The following SNX1 variants were observed in gnomAD, a reference collection of about 807,000 sequenced individuals.
SNX1 encodes sorting nexin 1, also known as sorting nexin-1.
Under a neutral mutation model 71.8 loss-of-function variants are expected in SNX1, and 36 were observed. That is an observed-to-expected ratio of 0.50 (90% CI 0.38 to 0.66). SNX1 has a LOEUF of 0.66. Among genes scored for constraint, SNX1 ranks in the 30% least tolerant of loss-of-function variants. SNX1 has a pLI of 0.00. For missense variants in SNX1, 612 were observed against 646.7 expected (o/e 0.95, Z 0.58); for synonymous variants, 254 against 240.7 (o/e 1.06, Z -0.51).
intron 2 of SNX1, among the ~76,000 whole-genome samples, chr15:64,113,480 T>C (rs2081098170): frequency 6.6e-6 from 1 of 152,086 alleles, no homozygotes; most frequent in Non-Finnish European, 1.5e-5. Flanking sequence ...CAAGGAATTG[T>C]TTAGCCTAAA....
rs1253247721 is a variant in SNX1, at chr15:64,142,011, G to C, written c.*4393G>C. On this transcript the variant is annotated 3_prime_UTR_variant, in exon 15 of 15. Transcript: ENST00000559844. ...TTTGGGGCAGATGGGAGGGGAAGCA[G>C]TGGTGGGGGCAGTGAGTGCTGAAGG... 1 of 152,680 alleles carries C rather than the reference G, an allele frequency of 6.5e-6. No homozygotes were observed. Among genetic ancestry groups the C allele is most frequent in the Non-Finnish European group, 1.5e-5 (1 of 68,428 alleles). The allele number at this position is 152,680 out of a possible 1,614,324, so 9.5% of individuals were successfully genotyped here. A position where few individuals can be genotyped will look rare whatever the true frequency, so the allele number is the denominator to read the frequency against.
chr15:64,112,532 T>C (rs2081086806), intron 1 of SNX1, 41 bp from the exon 2 acceptor site: 2 of 1,436,250 alleles, frequency 1.4e-6, no homozygotes, highest in Non-Finnish European at 1.9e-6. Flanking sequence ...GGGTTTGTTT[T>C]TCATGGTAAT....
At chr15:64,107,827 G>A (rs1203192782) in intron 1 of SNX1, among the ~76,000 whole-genome samples, 1 of 151,880 alleles carries the variant, frequency 6.6e-6, no homozygotes, top group Admixed American at 6.6e-5. Flanking sequence ...ATAGTTTCTT[G>A]CCTAGAAATT....
At chr15:64,116,019 A>G (rs1162871437) in intron 2 of SNX1, among the ~76,000 whole-genome samples, 1 of 152,204 alleles carries the variant, frequency 6.6e-6, no homozygotes, top group African/African-American at 2.4e-5. Flanking sequence ...GCAGTCAAAA[A>G]TTTGTTTATA....
In SNX1 at chr15:64,143,820, C is replaced by G. The variant is rs2081437908; in HGVS notation, c.*6202C>G. ...GGATCCTCATAGGCACTTCTAGAAA[C>G]CAAATCCTTGAAGATGACTAACCAG... is the stretch of plus-strand genomic sequence containing the variant. On this transcript the variant is annotated 3_prime_UTR_variant, in exon 15 of 15. Transcript: ENST00000559844. 1 of 152,172 alleles carries G rather than the reference C, an allele frequency of 6.6e-6. No individual in the cohort carries two copies. The highest frequency in any genetic ancestry group is 2.4e-5 in the African/African-American group (1 of 41,444). The allele number at this position is 152,172 out of a possible 1,614,324, so 9.4% of individuals were successfully genotyped here.
chr15:64,123,509 G>A lies in SNX1; in HGVS notation c.473G>A (p.Gly158Asp). The change falls in exon 5 of 15, where the codon GGT becomes GAT. Residue 158 changes from glycine to aspartate, a missense_variant. Transcript: ENST00000559844. ...CTTTCTTGTTCTCTCACAGGGGATG[G>A]TATGAATGCATATGTAGCCTACAAA... ...GITDPEKIGD[G>D]MNAYVAYKVT... is the part of the protein sequence containing the mutation. The A allele has an allele frequency of 6.2e-7, 1 of 1,613,744 alleles. No homozygotes were observed. The highest frequency in any genetic ancestry group is 1.1e-5 in the South Asian group (1 of 91,016).
intron 1 of SNX1, among the ~76,000 whole-genome samples, chr15:64,098,756 T>A (rs1239128233): frequency 6.6e-6 from 1 of 152,118 alleles, no homozygotes; most frequent in Non-Finnish European, 1.5e-5. Flanking sequence ...TGATTCATCT[T>A]ACCATACTTT....
intron 9 of SNX1, 89 bp from the exon 10 acceptor site, chr15:64,130,139 A>C: frequency 6.8e-7 from 1 of 1,470,592 alleles, no homozygotes; most frequent in Non-Finnish European, 9.5e-7. Flanking sequence ...AAGATTTTTC[A>C]GTCCCTTTTT....
At chr15:64,137,496 G>A in intron 14 of SNX1, 72 bp from the exon 15 acceptor site, 1 of 1,580,076 alleles carries the variant, frequency 6.3e-7, no homozygotes, top group Non-Finnish European at 8.7e-7. Context: ...TACTGTGCTT[G>A]ATTCCTCCCA....
intron 14 of SNX1, 127 bp downstream of exon 14, chr15:64,137,059 A>T: frequency 2.9e-6 from 2 of 684,644 alleles, no homozygotes; most frequent in Non-Finnish European, 5.1e-6. Flanking sequence ...ATAGTCCATC[A>T]TTGAAAATAG....
chr15:64,116,532 T>G (rs2081130955), intron 2 of SNX1, among the ~76,000 whole-genome samples: 1 of 152,208 alleles, frequency 6.6e-6, no homozygotes, highest in African/African-American at 2.4e-5. Context: ...ATTTAGTGAT[T>G]AGAATACTGA....
chr15:64,112,404 T>G (rs1192412400), intron 1 of SNX1, among the ~76,000 whole-genome samples, 169 bp from the exon 2 acceptor site: 1 of 152,234 alleles, frequency 6.6e-6, no homozygotes, highest in African/African-American at 2.4e-5. Context: ...TATGGACTTA[T>G]TTTTGCTCTG....
At chr15:64,124,486 G>A (rs1472810407) in intron 5 of SNX1, among the ~76,000 whole-genome samples, 2 of 141,818 alleles carry the variant, frequency 1.4e-5, no homozygotes, top group Non-Finnish European at 3.0e-5. Flanking sequence ...CAGCCTGGGC[G>A]ACAGAGGGAG....
intron 1 of SNX1, 151 bp downstream of exon 1, chr15:64,096,323 G>A (rs1461181426): frequency 4.3e-6 from 4 of 940,106 alleles, no homozygotes; most frequent in African/African-American, 3.4e-5. Flanking sequence ...GGATGTGCTC[G>A]AAGCGGTAGA....
At chr15:64,126,924 A>G (rs2140153657) in intron 6 of SNX1, among the ~76,000 whole-genome samples, 1 of 152,248 alleles carries the variant, frequency 6.6e-6, no homozygotes, top group East Asian at 1.9e-4. Flanking sequence ...TCAGGGTTCC[A>G]TGGCCGCCTT....
chr15:64,134,864 G>C lies in SNX1; in HGVS notation c.1365+57G>C, dbSNP rs1175758513. 1 of 1,596,870 alleles carries C rather than the reference G, an allele frequency of 6.3e-7. No homozygotes were observed. Among genetic ancestry groups the C allele is most frequent in the Non-Finnish European group, 8.5e-7 (1 of 1,171,124 alleles). ...GTTCTGCTGGTTCCAAATGAACCCA[G>C]GGCCCATCCCACCCAGAGGTTTGGA... On this transcript the variant is annotated intron_variant, in intron 12 of 14. Coordinates refer to ENST00000559844, the MANE Select transcript of SNX1 (RefSeq NM_003099.5). This position sits in a 1 kb window ranked among gnomAD's most constrained non-coding sequence, Gnocchi z 4.1.
At chr15:64,098,744 T>A (rs2080928188) in intron 1 of SNX1, among the ~76,000 whole-genome samples, 1 of 151,904 alleles carries the variant, frequency 6.6e-6, no homozygotes, top group Admixed American at 6.6e-5. Context: ...GAGGCTTCAG[T>A]TTGATTCATC....
rs1367215397 is a variant in SNX1 at position 64,129,594 on chromosome 15, T to A, written c.808-322T>A. ...GAACTTTTGACTTTTAACAAGAGTA[T>A]GCTTGGTACTTAAGCAGTTCATGCC... is the stretch of plus-strand genomic sequence containing the variant. On this transcript the variant is annotated intron_variant, in intron 8 of 14. Transcript: ENST00000559844. This position sits in a 1 kb window ranked among gnomAD's most constrained non-coding sequence, Gnocchi z 4.4. Among the ~76,000 whole-genome samples the A allele has an allele frequency of 1.3e-5, 2 of 152,246 alleles. No homozygotes were observed. The highest frequency in any genetic ancestry group is 2.9e-5 in the Non-Finnish European group (2 of 68,038).
At position 64,129,211 on chromosome 15, in the gene SNX1, C is replaced by T. The variant is rs941109828; in HGVS notation, c.808-705C>T. Among the ~76,000 whole-genome samples, 1 of 151,394 alleles carries T rather than the reference C, an allele frequency of 6.6e-6. No individual in the cohort carries two copies. The highest frequency in any genetic ancestry group is 2.4e-5 in the African/African-American group (1 of 41,076). ...GCCGTGAGCTGAGATCGTGCCACTG[C>T]ACTCCAGCCTGGGCGACAAGAGCAA... On this transcript the variant is annotated intron_variant, in intron 8 of 14. Transcript: ENST00000559844. This position sits in a 1 kb window ranked among gnomAD's most constrained non-coding sequence, Gnocchi z 4.4.
Sources: gnomAD v4.1 joint callset for allele counts (sites outside exome capture counted in the v4.1 genomes callset) on GRCh38, gnomAD v4.1.1 for gene constraint, Gnocchi (gnomAD v3.1) non-coding constraint, MANE v1.5 for transcripts, NCBI Gene and HGNC (gene_info 2026-07-23, HGNC 2026-07-21) for gene names.